SBF2: variants seen among roughly 807,000 people sequenced by gnomAD.
The protein encoded by SBF2 is SET binding factor 2, also known as myotubularin-related protein 13.
In SBF2, 112 loss-of-function variants were observed where a neutral mutation model predicts 225.2. That is an observed-to-expected ratio of 0.50 (90% confidence interval 0.43 to 0.58). SBF2 has a LOEUF of 0.58. Among genes scored for constraint, SBF2 ranks in the 20% least tolerant of loss-of-function variants. The pLI is 0.00. For synonymous variants in SBF2, 763 were observed against 773.3 expected (o/e 0.99, Z 0.22); for missense variants, 1,996 against 2,206.2 (o/e 0.90, Z 1.91).
chr11:10,246,766 A>G (rs925780464), intron 1 of SBF2, among the ~76,000 whole-genome samples: 1 of 152,212 alleles, frequency 6.6e-6, no homozygotes, highest in African/African-American at 2.4e-5. Context: ...CTTAATTATA[A>G]CAAACATTTA....
intron 16 of SBF2, among the ~76,000 whole-genome samples, chr11:9,956,094 T>C (rs1443645883): frequency 1.3e-5 from 2 of 152,186 alleles, no homozygotes; most frequent in African/African-American, 4.8e-5. Flanking sequence ...TCATCCTTTG[T>C]AACTGCAGTT....
chr11:9,779,536 A>G lies in SBF2; in HGVS notation c.*882T>C, dbSNP rs886048775. Reference sequence around the variant, plus strand: ...GACTGTGGTCAACACAGCCCTTGTCACAGGTGCGTATGGTCCTAAATAGCT... The same window carrying G: ...GACTGTGGTCAACACAGCCCTTGTCGCAGGTGCGTATGGTCCTAAATAGCT... On this transcript the variant is annotated 3_prime_UTR_variant, in exon 40 of 40. Transcript: ENST00000256190. 6.5e-6 allele frequency: 1 copy of G among 152,676 alleles called. No homozygotes were observed. Among genetic ancestry groups the G allele is most frequent in the Non-Finnish European group, 1.5e-5 (1 of 68,044 alleles). The allele number at this position is 152,676 out of a possible 1,614,324, so 9.5% of individuals were successfully genotyped here. A position where few individuals can be genotyped will look rare whatever the true frequency, so the allele number is the denominator to read the frequency against.
chr11:10,024,153 T>C (rs1948963816), intron 6 of SBF2, among the ~76,000 whole-genome samples: 1 of 152,202 alleles, frequency 6.6e-6, no homozygotes. Context: ...GTATCAGCCA[T>C]TCATTTTTCA....
chr11:10,136,480 T>C (rs1228633228), intron 2 of SBF2, among the ~76,000 whole-genome samples: 2 of 152,180 alleles, frequency 1.3e-5, no homozygotes, highest in East Asian at 1.9e-4. Context: ...TATTTGATTA[T>C]GTGTACACAC....
At chr11:10,109,248 T>C (rs1952723191) in intron 2 of SBF2, among the ~76,000 whole-genome samples, 1 of 152,196 alleles carries the variant, frequency 6.6e-6, no homozygotes, top group Non-Finnish European at 1.5e-5. Context: ...ATAATGTTAT[T>C]ATATGGAAAA....
chr11:10,123,903 G>A (rs1321419390), intron 2 of SBF2, among the ~76,000 whole-genome samples: 1 of 152,032 alleles, frequency 6.6e-6, no homozygotes, highest in African/African-American at 2.4e-5. Context: ...CTACTGAGAC[G>A]GTTTTCAGTA....
intron 2 of SBF2, among the ~76,000 whole-genome samples, chr11:10,090,303 T>C (rs1044898628): frequency 8.5e-5 from 13 of 152,304 alleles, no homozygotes; most frequent in African/African-American, 2.4e-4. Flanking sequence ...CACTGAACCA[T>C]ACACTTTAAA....
intron 6 of SBF2, among the ~76,000 whole-genome samples, chr11:10,019,873 GA>G (rs1342449400): frequency 6.6e-6 from 1 of 152,108 alleles, no homozygotes; most frequent in Admixed American, 6.5e-5. Context: ...TTCTTTTAAA[GA>G]AAACATTTTT....
intron 1 of SBF2, among the ~76,000 whole-genome samples, chr11:10,234,030 C>G (rs1322852537): frequency 1.3e-5 from 2 of 152,186 alleles, no homozygotes; most frequent in African/African-American, 4.8e-5. Flanking sequence ...AAGGACCTAA[C>G]AGATATAATG....
intron 16 of SBF2, among the ~76,000 whole-genome samples, chr11:9,948,380 C>T (rs188661330): frequency 4.5e-4 from 69 of 152,166 alleles, no homozygotes; most frequent in African/African-American, 1.6e-3. Flanking sequence ...CGTAATGCCA[C>T]TAAGCTGTAT....
intron 16 of SBF2, among the ~76,000 whole-genome samples, chr11:9,911,358 T>A (rs1468616031): frequency 2.7e-5 from 4 of 148,476 alleles, no homozygotes; most frequent in African/African-American, 9.9e-5. Context: ...CACTCCAGCC[T>A]AGGTGACAGA....
chr11:9,818,963 C>T (rs940167727), intron 28 of SBF2, among the ~76,000 whole-genome samples: 2 of 151,892 alleles, frequency 1.3e-5, no homozygotes, highest in African/African-American at 4.8e-5. Flanking sequence ...CTCAGGTGAT[C>T]CGCCCGCCTC....
In SBF2 at chr11:10,072,924, A is replaced by G. The variant is rs1950951325; in HGVS notation, c.142-29943T>C. ...TATTATTATTATTATCATCATCATCATCATCATTATTTTTGGTAAAGACAG... is the reference window on the plus strand; with the variant it reads ...TATTATTATTATTATCATCATCATCGTCATCATTATTTTTGGTAAAGACAG... On this transcript the variant is annotated intron_variant, in intron 2 of 39. Transcript: ENST00000256190. Among the ~76,000 whole-genome samples, 3 of 151,532 alleles carry G rather than the reference A, an allele frequency of 2.0e-5. No homozygotes were observed. The South Asian group carries it at 6.3e-4, about 32-fold the overall frequency.
chr11:10,007,922 C>A (rs1294420576), intron 6 of SBF2, among the ~76,000 whole-genome samples: 1 of 152,210 alleles, frequency 6.6e-6, no homozygotes, highest in African/African-American at 2.4e-5. Flanking sequence ...CTGACAAATA[C>A]ATCAAAGGGT....
intron 2 of SBF2, among the ~76,000 whole-genome samples, chr11:10,167,951 G>C (rs1956041314): frequency 6.6e-6 from 1 of 152,246 alleles, no homozygotes; most frequent in South Asian, 2.1e-4. Flanking sequence ...CCCGGAGGTG[G>C]AGGTTGTGGT....
chr11:10,297,243 A>G (rs1284877625), upstream of SBF2, among the ~76,000 whole-genome samples: 1 of 149,952 alleles, frequency 6.7e-6, no homozygotes, highest in Middle Eastern at 3.2e-3. Context: ...ATTTTTATGT[A>G]GAGATGTTGT....
At chr11:9,946,209 A>G (rs1184987124) in intron 16 of SBF2, among the ~76,000 whole-genome samples, 1 of 152,216 alleles carries the variant, frequency 6.6e-6, no homozygotes, top group Non-Finnish European at 1.5e-5. Flanking sequence ...TTGACTGGAT[A>G]AAGAAAATGT....
intron 25 of SBF2, among the ~76,000 whole-genome samples, chr11:9,841,798 T>G (rs780953512): frequency 4.6e-5 from 7 of 152,238 alleles, no homozygotes; most frequent in Non-Finnish European, 8.8e-5. Flanking sequence ...CCTCCCAAAG[T>G]GCTGGGATTA....
chr11:9,980,247 T>G (rs576938667), intron 13 of SBF2, among the ~76,000 whole-genome samples: 1 of 144,650 alleles, frequency 6.9e-6, no homozygotes, highest in Non-Finnish European at 1.5e-5. Flanking sequence ...TCCCAAATGC[T>G]GGGATTACAG....
Sources: allele counts gnomAD v4.1 joint callset (sites outside exome capture counted in the v4.1 genomes callset), GRCh38; gene constraint gnomAD v4.1.1; transcripts MANE v1.5; gene names NCBI Gene and HGNC (gene_info 2026-07-23, HGNC 2026-07-21).